The following NTM variants were observed in gnomAD, a reference collection of about 807,000 sequenced individuals.
NTM encodes IgLON family member 2.
Under a neutral mutation model 42.1 loss-of-function variants are expected in NTM, and 13 were observed. The observed-to-expected ratio is 0.31, with a 90% CI of 0.20 to 0.49. NTM has a LOEUF of 0.49. Among genes scored for constraint, NTM ranks in the 20% least tolerant of loss-of-function variants. The probability of loss-of-function intolerance (pLI) is 0.99; values close to 1 mark genes in which losing one functional copy is unlikely to be tolerated. For missense variants in NTM, 373 were observed against 452.8 expected, an observed-to-expected ratio of 0.82 and a Z score of 1.60; for synonymous variants, 187 against 179.2, an observed-to-expected ratio of 1.04 and a Z score of -0.35.
chr11:131,691,860 C>G (rs1021250840), intron 1 of NTM, among the ~76,000 whole-genome samples: 1 of 152,244 alleles, frequency 6.6e-6, no homozygotes, highest in Non-Finnish European at 1.5e-5. Context: ...TTACTCATAA[C>G]ACGAACAAAA....
chr11:132,224,944 G>C lies in NTM; in HGVS notation c.526+12797G>C, dbSNP rs550852129. On this transcript the variant is annotated intron_variant, in intron 4 of 8. Transcript: ENST00000683400. ...CAGCTTTTCTCCTGTGTGGCAATAG[G>C]TAGGGTATTATGGACTTGCTGATGT... Among the ~76,000 whole-genome samples the C allele has an allele frequency of 9.6e-4, 146 of 152,324 alleles. 3 individuals carry two copies. The South Asian group carries it at 0.029, about 30-fold the overall frequency.
At position 131,583,842 on chromosome 11, in the gene NTM, T is replaced by C. The variant is rs535441882; in HGVS notation, c.82+212954T>C. On this transcript the variant is annotated intron_variant, in intron 1 of 8. Transcript: ENST00000683400. Reference sequence around the variant, plus strand: ...GATTTCTTCTATTCTTGGATTTGTATGAAACCCATAGATGAACCCCTGAGA... The same window carrying C: ...GATTTCTTCTATTCTTGGATTTGTACGAAACCCATAGATGAACCCCTGAGA... 2.3e-3 allele frequency among the ~76,000 whole-genome samples: 348 copies of C among 152,334 alleles called. 5 individuals are homozygous for C. The South Asian group carries it at 0.03, about 13-fold the overall frequency.
chr11:132,332,700 T>C (rs115483890), intron 8 of NTM: 4,630 of 152,288 alleles, frequency 0.03, 226 homozygotes, highest in African/African-American at 0.1. Flanking sequence ...TTGCCCGCTC[T>C]CAGTCGTCTC....
In NTM at chr11:131,877,008, G is replaced by A. The variant is rs115746814; in HGVS notation, c.83-34556G>A. ...CAAGTAACTGGGATTACAGGCATGA[G>A]CCACCGTATCCAAGTAATTTTTGTG... On this transcript the variant is annotated intron_variant, in intron 1 of 8. Transcript: ENST00000683400. Among the ~76,000 whole-genome samples, 1,349 of 152,186 alleles carry A rather than the reference G, an allele frequency of 8.9e-3. 23 individuals carry two copies. The highest frequency in any genetic ancestry group is 0.031 in the African/African-American group (1,266 of 41,500).
intron 2 of NTM, among the ~76,000 whole-genome samples, chr11:132,123,788 G>A (rs557354853): frequency 3.4e-4 from 52 of 152,238 alleles, no homozygotes; most frequent in Non-Finnish European, 6.3e-4. Context: ...AGAGAACCAC[G>A]CATGTGCCGG....
intron 1 of NTM, chr11:131,581,999 C>T (rs2058454877): frequency 6.6e-6 from 1 of 152,158 alleles, no homozygotes; most frequent in African/African-American, 2.4e-5. Context: ...CATGACTATG[C>T]AGAGCTTTTT....
intron 1 of NTM, among the ~76,000 whole-genome samples, chr11:131,859,771 A>G (rs1263675071): frequency 1.3e-5 from 2 of 152,200 alleles, no homozygotes; most frequent in African/African-American, 4.8e-5. Context: ...GAAGTGCTCT[A>G]CAAACAGTAT....
At chr11:131,956,638 G>C (rs1294251280) in intron 2 of NTM, among the ~76,000 whole-genome samples, 2 of 151,762 alleles carry the variant, frequency 1.3e-5, no homozygotes, top group African/African-American at 4.9e-5. Flanking sequence ...CAGTGGAGCG[G>C]AACTGTCTGC....
chr11:131,991,316 A>G (rs2066984257), intron 2 of NTM, among the ~76,000 whole-genome samples: 1 of 152,082 alleles, frequency 6.6e-6, no homozygotes, highest in Non-Finnish European at 1.5e-5. Context: ...ACAATAAGAG[A>G]GTCTTGTTTG....
At chr11:131,635,192 G>T (rs549516924) in intron 1 of NTM, among the ~76,000 whole-genome samples, 1 of 152,210 alleles carries the variant, frequency 6.6e-6, no homozygotes, top group African/African-American at 2.4e-5. Context: ...AGGTGAAAAT[G>T]AGACTTTTTA....
intron 1 of NTM, among the ~76,000 whole-genome samples, chr11:131,797,122 G>C (rs2091650928): frequency 1.3e-5 from 2 of 152,112 alleles, no homozygotes; most frequent in African/African-American, 4.8e-5. Flanking sequence ...AGTAAGTAAT[G>C]GTTTTCCTGA....
intron 1 of NTM, among the ~76,000 whole-genome samples, chr11:131,764,120 T>C (rs2084724108): frequency 6.6e-6 from 1 of 152,112 alleles, no homozygotes; most frequent in Admixed American, 6.6e-5. Flanking sequence ...ATATTAATAT[T>C]AATGGCCATA....
At chr11:131,822,653 G>C (rs1447480369) in intron 1 of NTM, among the ~76,000 whole-genome samples, 1 of 152,166 alleles carries the variant, frequency 6.6e-6, no homozygotes, top group African/African-American at 2.4e-5. Context: ...GTTTTTCATG[G>C]TGTCAATGTA....
chr11:131,822,838 C>CG (rs2093249053), intron 1 of NTM, among the ~76,000 whole-genome samples: 1 of 151,926 alleles, frequency 6.6e-6, no homozygotes, highest in Non-Finnish European at 1.5e-5. Context: ...ATTTGCTTCT[C>CG]AAAAAAAGCG....
chr11:132,180,154 T>G (rs1233517017), intron 3 of NTM, among the ~76,000 whole-genome samples: 1 of 152,212 alleles, frequency 6.6e-6, no homozygotes, highest in East Asian at 1.9e-4. Context: ...GACTTCACAT[T>G]CACTTTGTAT....
intron 4 of NTM, among the ~76,000 whole-genome samples, chr11:132,218,644 G>T (rs556823372): frequency 6.6e-6 from 1 of 152,258 alleles, no homozygotes; most frequent in East Asian, 1.9e-4. Flanking sequence ...TTAATAGAAG[G>T]AGTTTTCGCT....
At position 132,310,179 on chromosome 11, in the gene NTM, T is replaced by C. The variant is rs891971135; in HGVS notation, c.729T>C (p.Cys243=). 4 of 1,611,306 alleles carry C rather than the reference T, an allele frequency of 2.5e-6. No homozygotes were observed. The highest frequency in any genetic ancestry group is 3.4e-6 in the Non-Finnish European group (4 of 1,178,834). ...VPVGQKGTLQ[C]EASAVPSAEF... ...TGGGACAAAAGGGGACACTGCAGTG[T>C]GAAGCCTCAGCAGTCCCCTCAGCAG... Residue 243 remains cysteine, a synonymous_variant, in exon 6 of 9, where the codon TGT becomes TGC. Transcript: ENST00000683400.
At chr11:131,694,805 C>T (rs1450555167) in intron 1 of NTM, among the ~76,000 whole-genome samples, 1 of 152,134 alleles carries the variant, frequency 6.6e-6, no homozygotes, top group Non-Finnish European at 1.5e-5. Context: ...ATCAGGTGAG[C>T]CTGATGATCA....
chr11:131,588,971 T>C (rs2059121682), intron 1 of NTM, among the ~76,000 whole-genome samples: 1 of 152,100 alleles, frequency 6.6e-6, no homozygotes, highest in South Asian at 2.1e-4. Context: ...GTGGAGGGTT[T>C]ATATGGGAGA....
Sources: allele counts gnomAD v4.1 joint callset (sites outside exome capture counted in the v4.1 genomes callset), GRCh38; gene constraint gnomAD v4.1.1; transcripts MANE v1.5; gene names NCBI Gene and HGNC (gene_info 2026-07-23, HGNC 2026-07-21).